Variants in KDM4C observed in about 807,000 individuals in gnomAD.
The protein encoded by KDM4C is lysine-specific demethylase 4C.
Under a neutral mutation model 129.3 loss-of-function variants are expected in KDM4C, and 81 were observed. That is an observed-to-expected ratio of 0.63 (90% CI 0.52 to 0.75). KDM4C has a LOEUF of 0.75. KDM4C is among the 30% of genes least tolerant of loss of function. The pLI is 0.00. For synonymous variants in KDM4C, 573 were observed against 456.1 expected, an observed-to-expected ratio of 1.26 and a Z score of -3.26; for missense variants, 1,457 against 1,304.0, an observed-to-expected ratio of 1.12 and a Z score of -1.81.
intron 19 of KDM4C, among the ~76,000 whole-genome samples, chr9:7,145,322 C>G (rs1842119537): frequency 6.6e-6 from 1 of 152,176 alleles, no homozygotes; most frequent in Non-Finnish European, 1.5e-5. Flanking sequence ...AAACCGTAGT[C>G]TCAGCCTTGC....
chr9:6,857,123 T>G (rs1402405378), intron 5 of KDM4C, among the ~76,000 whole-genome samples: 2 of 152,114 alleles, frequency 1.3e-5, no homozygotes, highest in African/African-American at 2.4e-5. Flanking sequence ...CCCCCCGAAG[T>G]CCTGGGATTA....
intron 1 of KDM4C, among the ~76,000 whole-genome samples, chr9:6,762,815 C>T (rs1477272957): frequency 2.6e-5 from 4 of 151,758 alleles, no homozygotes; most frequent in Admixed American, 6.6e-5. Context: ...CCTGCCATCA[C>T]GCCCAGCTAA....
intron 18 of KDM4C, among the ~76,000 whole-genome samples, chr9:7,117,842 T>C (rs1420110509): frequency 3.3e-5 from 5 of 152,188 alleles, no homozygotes; most frequent in Non-Finnish European, 5.9e-5. Flanking sequence ...GATGTGACTG[T>C]AGGCGAAGCT....
intron 4 of KDM4C, among the ~76,000 whole-genome samples, chr9:6,843,597 G>A (rs10975847): frequency 6.6e-6 from 1 of 152,136 alleles, no homozygotes; most frequent in African/African-American, 2.4e-5. Flanking sequence ...AACCCTGGGC[G>A]TAGCTCTGCC....
At chr9:6,722,466 T>C (rs185391514) in intron 1 of KDM4C, among the ~76,000 whole-genome samples, 27 of 151,832 alleles carry the variant, frequency 1.8e-4, no homozygotes, top group Non-Finnish European at 3.1e-4. Flanking sequence ...TCTGTTGAGC[T>C]CAGGAGTTTG....
intron 19 of KDM4C, among the ~76,000 whole-genome samples, chr9:7,161,034 A>G (rs573631209): frequency 1.3e-5 from 2 of 152,106 alleles, no homozygotes; most frequent in Non-Finnish European, 2.9e-5. Context: ...AGCCTCAGCA[A>G]TGGCAGACGC....
chr9:7,100,166 G>A (rs1174493924), intron 17 of KDM4C, among the ~76,000 whole-genome samples: 1 of 152,110 alleles, frequency 6.6e-6, no homozygotes, highest in Non-Finnish European at 1.5e-5. Context: ...GAAGGCCAAA[G>A]CAGGCAAATT....
At chr9:7,138,580 C>G (rs976842414) in intron 19 of KDM4C, among the ~76,000 whole-genome samples, 16 of 152,164 alleles carry the variant, frequency 1.1e-4, no homozygotes, top group Admixed American at 1.0e-3. Flanking sequence ...TTTGGGGCAC[C>G]AAAGCAGGAG....
chr9:6,750,861 G>A (rs1034696686), intron 1 of KDM4C, among the ~76,000 whole-genome samples: 2 of 152,152 alleles, frequency 1.3e-5, no homozygotes, highest in African/African-American at 4.8e-5. Context: ...TGCTGGTTTT[G>A]CCTGGGCTTG....
intron 19 of KDM4C, among the ~76,000 whole-genome samples, chr9:7,156,078 G>C (rs767668454): frequency 6.6e-5 from 10 of 152,146 alleles, no homozygotes; most frequent in Non-Finnish European, 1.0e-4. Context: ...GTATCTTGTG[G>C]TTTTGATTTG....
At chr9:6,840,316 G>A (rs563339014) in intron 4 of KDM4C, among the ~76,000 whole-genome samples, 1 of 152,130 alleles carries the variant, frequency 6.6e-6, no homozygotes, top group South Asian at 2.1e-4. Flanking sequence ...CAAGCTATCT[G>A]CCTGCCTTGG....
intron 17 of KDM4C, among the ~76,000 whole-genome samples, chr9:7,071,834 C>T (rs969759223): frequency 3.3e-5 from 5 of 152,094 alleles, no homozygotes; most frequent in Non-Finnish European, 5.9e-5. Context: ...TACGGCCATA[C>T]CACCCTGAAC....
chr9:7,007,947 C>T (rs1247699977), intron 12 of KDM4C, among the ~76,000 whole-genome samples: 18 of 152,064 alleles, frequency 1.2e-4, no homozygotes, highest in Non-Finnish European at 1.5e-5. Context: ...GCGCTTGTCC[C>T]CTGGCAGAAA....
At chr9:7,070,030 C>G (rs1832979049) in intron 17 of KDM4C, among the ~76,000 whole-genome samples, 1 of 152,010 alleles carries the variant, frequency 6.6e-6, no homozygotes, top group Non-Finnish European at 1.5e-5. Context: ...ATAAATTTAG[C>G]TAAATCAAAA....
At chr9:7,129,357 TG>T in intron 19 of KDM4C, among the ~76,000 whole-genome samples, 1 of 152,190 alleles carries the variant, frequency 6.6e-6, no homozygotes. Flanking sequence ...TAAACAAAAG[TG>T]ACCTTATTTG....
rs190232434 is a variant in KDM4C, at chr9:7,058,295, G to A, written c.2424+9095G>A. On this transcript the variant is annotated intron_variant, in intron 17 of 21. Coordinates refer to ENST00000381309, the MANE Select transcript of KDM4C (RefSeq NM_015061.6). ...TCCAACCCTTTTCAGACATCCTAAG[G>A]CATTGAATTTTAGACTAACGATGCA... is the stretch of plus-strand genomic sequence containing the variant. Among the ~76,000 whole-genome samples, 9 of 152,266 alleles carry A rather than the reference G, an allele frequency of 5.9e-5. No homozygotes were observed. In the East Asian group the frequency reaches 1.7e-3, roughly 29 times the overall value.
intron 18 of KDM4C, among the ~76,000 whole-genome samples, chr9:7,124,736 C>G (rs1278885394): frequency 1.3e-5 from 2 of 152,052 alleles, no homozygotes; most frequent in Admixed American, 1.3e-4. Context: ...ACATACCTAC[C>G]GACACCTAAA....
chr9:6,913,297 T>A (rs1256702762), intron 8 of KDM4C, among the ~76,000 whole-genome samples: 1 of 152,208 alleles, frequency 6.6e-6, no homozygotes, highest in African/African-American at 2.4e-5. Flanking sequence ...TATTAAAATT[T>A]AAATGCAAGC....
At chr9:7,013,391 A>G (rs7851539) in intron 13 of KDM4C, among the ~76,000 whole-genome samples, 3,763 of 152,324 alleles carry the variant, frequency 0.025, 146 homozygotes, top group African/African-American at 0.087. Flanking sequence ...ACTGCTGCAC[A>G]GATTAAAACT....
Sources: allele counts gnomAD v4.1 joint callset (sites outside exome capture counted in the v4.1 genomes callset), GRCh38; gene constraint gnomAD v4.1.1; transcripts MANE v1.5; gene names NCBI Gene and HGNC (gene_info 2026-07-23, HGNC 2026-07-21).